HOMER3: variants seen among roughly 807,000 people sequenced by gnomAD.
HOMER3 encodes homer protein homolog 3.
HOMER3 carries 34 observed loss-of-function variants against 45.5 expected under a neutral mutation model. That is an observed-to-expected ratio of 0.75 (90% CI 0.57 to 1.00). The LOEUF (loss-of-function observed/expected upper bound fraction) is 1.00. Ranked by LOEUF, HOMER3 falls within the 50% of genes least tolerant of loss-of-function variation. The probability of loss-of-function intolerance (pLI) is 0.00; values close to 1 mark genes in which losing one functional copy is unlikely to be tolerated. For missense variants in HOMER3, 480 were observed against 497.5 expected (o/e 0.96, Z 0.33); for synonymous variants, 223 against 208.8 (o/e 1.07, Z -0.58).
chr19:18,938,565 G>A, intron 3 of HOMER3, 81 bp from the exon 4 acceptor site: 1 of 1,532,816 alleles, frequency 6.5e-7, no homozygotes, highest in Non-Finnish European at 8.9e-7. Context: ...CCTTGTATTA[G>A]GGTCTTGAAG....
intron 4 of HOMER3, 38 bp from the exon 5 acceptor site, chr19:18,934,448 C>G (rs1299417323): frequency 7.5e-7 from 1 of 1,326,778 alleles, no homozygotes; most frequent in Non-Finnish European, 1.0e-6. Flanking sequence ...AAAACCCCAG[C>G]CCATCCTCCC....
At chr19:18,939,187 C>G (rs111508822) in intron 1 of HOMER3, 138 bp from the exon 2 acceptor site, 17 of 542,376 alleles carry the variant, frequency 3.1e-5, no homozygotes, top group African/African-American at 2.6e-4. Context: ...CCAAAGTACA[C>G]CTGGTGCTTT....
Position 18,931,348 on chromosome 19 carries a change from C to T in HOMER3, c.871G>A (p.Glu291Lys). ...PREALEAAER[E>K]ETQQKVQDLE... ...ACCTGCACCTTCTGCTGAGTCTCCT[C>T]ACGCTCGGCAGCCTCCAGGGCCTCG... The change falls in exon 9 of 10, where the codon GAG becomes AAG. Residue 291 changes from glutamate to lysine, a missense_variant. Physicochemically the swap from Glu to Lys is moderately conservative, Grantham distance 56. Transcript: ENST00000392351. 1 of 1,614,178 alleles carries T rather than the reference C, an allele frequency of 6.2e-7. No homozygotes were observed.
chr19:18,929,302 C>CCCCAG lies in HOMER3; in HGVS notation c.*136_*140dup, dbSNP rs774366578. 1.1e-5 allele frequency: 10 copies of CCCCAG among 951,898 alleles called. No homozygotes were observed. Among genetic ancestry groups the CCCCAG allele is most frequent in the South Asian group, 3.9e-5 (3 of 77,498 alleles). The allele number at this position is 951,898 out of a possible 1,614,324, so 59.0% of individuals were successfully genotyped here. ...AACAACCAGAGCCGACTGGGGCCCA[C>CCCCAG]CCCAGCCCAGCCCGGCCCGGCCCAC... On this transcript the variant is annotated 3_prime_UTR_variant, in exon 10 of 10. Coordinates refer to ENST00000392351, the MANE Select transcript of HOMER3 (RefSeq NM_004838.4).
chr19:18,933,137 C>G (rs1210769401), intron 5 of HOMER3, 92 bp from the exon 6 acceptor site: 1 of 1,382,396 alleles, frequency 7.2e-7, no homozygotes, highest in Non-Finnish European at 9.4e-7. Flanking sequence ...GTGCAATTGA[C>G]CTATGCACCC....
At chr19:18,931,832 G>A in intron 7 of HOMER3, 144 bp downstream of exon 7, 1 of 1,428,006 alleles carries the variant, frequency 7.0e-7, no homozygotes, top group Admixed American at 2.8e-5. Context: ...CCATTTTACA[G>A]AGCAAGAAAC....
intron 6 of HOMER3, 127 bp downstream of exon 6, chr19:18,932,797 C>T: frequency 1.4e-6 from 1 of 722,496 alleles, no homozygotes; most frequent in Non-Finnish European, 2.1e-6. Flanking sequence ...ATCCTCATCC[C>T]CTTCCCCAGG....
chr19:18,936,453 A>G (rs1318704447), intron 4 of HOMER3, among the ~76,000 whole-genome samples: 2 of 151,754 alleles, frequency 1.3e-5, no homozygotes, highest in South Asian at 2.1e-4. Context: ...CCTGGCCAAC[A>G]TAGTGAAACC....
chr19:18,937,672 CA>C (rs398034178), intron 4 of HOMER3, among the ~76,000 whole-genome samples: 156 of 64,276 alleles, frequency 2.4e-3, no homozygotes, highest in Middle Eastern at 9.4e-3. Flanking sequence ...GCATTATCTC[CA>C]AAAAAAAAAA....
In HOMER3 at chr19:18,938,403, C is replaced by G. The variant is rs774459089; in HGVS notation, c.253G>C (p.Ala85Pro). 1 of 1,613,910 alleles carries G rather than the reference C, an allele frequency of 6.2e-7. No homozygotes were observed. The highest frequency in any genetic ancestry group is 1.3e-5 in the African/African-American group (1 of 74,904). ...AAGCCCAGGCCGTAGACTGTGTTGG[C>G]GCGACTGTCGGCCCACTGCCCGAAC... ...QKFGQWADSR[A>P]NTVYGLGFAS... The change falls in exon 4 of 10, where the codon GCC (alanine) becomes CCC (proline). Residue 85 changes from alanine to proline, a missense_variant. Coordinates refer to ENST00000392351, the MANE Select transcript of HOMER3 (RefSeq NM_004838.4).
chr19:18,932,096 GA>G lies in HOMER3; in HGVS notation c.569del (p.Phe190SerfsTer53), dbSNP rs1568336754. ...VGEVQWEAEF[F>X]ALQDSNNKLA... ...GCTTGTTGTTGCTGTCCTGCAGTGC[GA>G]AAAACTCGGCCTCCCACTGTACCTC... is the stretch of plus-strand genomic sequence containing the variant. On this transcript the variant is annotated frameshift_variant, in exon 7 of 10. Coordinates refer to ENST00000392351, the MANE Select transcript of HOMER3 (RefSeq NM_004838.4). LOFTEE classifies it high-confidence loss of function. The G allele has an allele frequency of 1.9e-6, 3 of 1,570,370 alleles. No individual in the cohort carries two copies. Among genetic ancestry groups the G allele is most frequent in the East Asian group, 2.4e-5 (1 of 41,838 alleles).
intron 1 of HOMER3, 89 bp downstream of exon 1, chr19:18,940,962 A>C (rs1343503010): frequency 6.6e-6 from 1 of 151,320 alleles, no homozygotes; most frequent in Admixed American, 6.6e-5. Context: ...CCGGGTCCGA[A>C]ACTTCTGGGG....
rs1388310169 is a variant in HOMER3, at chr19:18,929,398, G to A, written c.*45C>T. 2.5e-6 allele frequency: 4 copies of A among 1,573,620 alleles called. No individual in the cohort carries two copies. Among genetic ancestry groups the A allele is most frequent in the Admixed American group, 1.8e-5 (1 of 55,786 alleles). ...GCCCAACTATGCCGCCTGCAGCCTGGCCCGCATCCCAGGCCGGAATCGTTC... is the reference window on the plus strand; with the variant it reads ...GCCCAACTATGCCGCCTGCAGCCTGACCCGCATCCCAGGCCGGAATCGTTC... On this transcript the variant is annotated 3_prime_UTR_variant, in exon 10 of 10. Coordinates refer to ENST00000392351, the MANE Select transcript of HOMER3 (RefSeq NM_004838.4).
In HOMER3 at chr19:18,938,799, C is replaced by T. The variant is rs150734422; in HGVS notation, c.100G>A (p.Ala34Thr). ...KRNWIPAGKH[A>T]LTVSYFYDAT... ...TCGTAGAAATAGGAGACAGTGAGTG[C>T]GTGCTTGCCCGCTGGGATCCAGTTT... The change falls in exon 3 of 10, where the codon GCA (alanine) becomes ACA (threonine). Residue 34 changes from alanine to threonine, a missense_variant. Ala to Thr is a moderately conservative substitution (Grantham distance 58). Transcript: ENST00000392351. 5.6e-6 allele frequency: 9 copies of T among 1,599,360 alleles called. No homozygotes were observed. The highest frequency in any genetic ancestry group is 5.4e-5 in the African/African-American group (4 of 74,728).
intron 6 of HOMER3, among the ~76,000 whole-genome samples, 176 bp downstream of exon 6, chr19:18,932,748 G>T (rs546561817): frequency 7.9e-5 from 12 of 151,762 alleles, no homozygotes; most frequent in African/African-American, 2.9e-4. Context: ...GCCAACGCAG[G>T]GTAGGGGCGG....
In HOMER3 at chr19:18,932,960, G is replaced by T; in HGVS notation, c.497C>A (p.Thr166Lys). ...CATCTTCTTTAGCCGCTCGCGCTCT[G>T]TGGGGCCGGGGGCATCAGCGCTCTG... ...RSQSADAPGP[T>K]ERERLKKMLS... Residue 166 changes from threonine to lysine, a missense_variant, in exon 6 of 10, where the codon ACA (threonine) becomes AAA (lysine). Physicochemically the swap from Thr to Lys is moderately conservative, Grantham distance 78. Coordinates refer to ENST00000392351, the MANE Select transcript of HOMER3 (RefSeq NM_004838.4). 1 of 1,450,670 alleles carries T rather than the reference G, an allele frequency of 6.9e-7. No homozygotes were observed. Among genetic ancestry groups the T allele is most frequent in the Non-Finnish European group, 9.1e-7 (1 of 1,100,226 alleles). The allele number at this position is 1,450,670 out of a possible 1,614,324, so 89.9% of individuals were successfully genotyped here. A position where few individuals can be genotyped will look rare whatever the true frequency, so the allele number is the denominator to read the frequency against.
At position 18,939,154 on chromosome 19, in the gene HOMER3, T is replaced by C. The variant is rs1277107405; in HGVS notation, c.-67-105A>G. On this transcript the variant is annotated intron_variant, in intron 1 of 9. Coordinates refer to ENST00000392351, the MANE Select transcript of HOMER3 (RefSeq NM_004838.4). ...ACCAGGTGTGCCCGTCATGGAACTT[T>C]CAATCAAAAAGGCAGGAGAGGCCCA... The C allele has an allele frequency of 4.7e-6, 3 of 639,324 alleles. No individual in the cohort carries two copies. In the East Asian group the frequency reaches 8.5e-5, roughly 18 times the overall value. 39.6% of individuals were successfully genotyped at this position (639,324 alleles called of 1,614,324 possible).
rs1250606835 is a variant in HOMER3, at chr19:18,929,481, G to A, written c.1048C>T (p.Arg350Cys). Residue 350 changes from arginine (R) to cysteine (C), a missense_variant, in exon 10 of 10, where the codon CGT becomes TGT. Arg to Cys is a radical substitution (Grantham distance 180). Transcript: ENST00000392351. ...DVSLFELSEL[R>C]EGLARLAEAA... ...TCAGCCAGGCGGGCCAGGCCCTCAC[G>A]CAGCTCACTCAGCTCAAACAGGCTG... 10 of 1,599,216 alleles carry A rather than the reference G, an allele frequency of 6.3e-6. No homozygotes were observed. The highest frequency in any genetic ancestry group is 4.5e-5 in the East Asian group (2 of 44,494).
chr19:18,938,226 C>A, intron 4 of HOMER3, 127 bp downstream of exon 4: 1 of 1,054,888 alleles, frequency 9.5e-7, no homozygotes, highest in Non-Finnish European at 1.4e-6. Flanking sequence ...TCAGTCTCAA[C>A]TCATCCTACA....
Sources: gnomAD v4.1 joint callset for allele counts (sites outside exome capture counted in the v4.1 genomes callset) on GRCh38, gnomAD v4.1.1 for gene constraint, MANE v1.5 for transcripts, NCBI Gene and HGNC (gene_info 2026-07-23, HGNC 2026-07-21) for gene names.